Variants in MICU3 observed in about 807,000 individuals in gnomAD.
MICU3 encodes the protein mitochondrial calcium uptake 3.
A neutral mutation model predicts 66.5 loss-of-function variants in MICU3; 62 were observed. The observed-to-expected ratio is 0.93, with a 90% CI of 0.76 to 1.15. MICU3 has a LOEUF of 1.15. Ranked by LOEUF, MICU3 falls within the 50% of genes most tolerant of loss-of-function variation. MICU3 has a pLI of 0.00. For synonymous variants in MICU3, 308 were observed against 240.7 expected (o/e 1.28, Z -2.59); for missense variants, 779 against 664.4 (o/e 1.17, Z -1.90).
In MICU3 at chr8:17,122,180, T is replaced by C. The variant is rs146671615; in HGVS notation, c.*1893T>C. ...TATCAGAGTGAGTGGATGAAAACAT[T>C]TGTAAGGCTGCAACATAATATTAAA... On this transcript the variant is annotated 3_prime_UTR_variant, in exon 15 of 15. Transcript: ENST00000318063. 6.6e-6 allele frequency: 1 copy of C among 151,886 alleles called. No individual in the cohort carries two copies. The highest frequency in any genetic ancestry group is 2.4e-5 in the African/African-American group (1 of 41,536). 9.4% of individuals were successfully genotyped at this position (151,886 alleles called of 1,614,324 possible).
chr8:17,108,248 AT>A (rs1262339900), intron 11 of MICU3, among the ~76,000 whole-genome samples: 21 of 152,148 alleles, frequency 1.4e-4, no homozygotes, highest in Non-Finnish European at 1.5e-5. Context: ...TCAATGAAAA[AT>A]TAAGCAGGCA....
At chr8:17,125,052 G>T (rs910255269), downstream of MICU3, among the ~76,000 whole-genome samples, 1 of 152,030 alleles carries the variant, frequency 6.6e-6, no homozygotes, top group African/African-American at 2.4e-5. Flanking sequence ...TTATTTATTT[G>T]AGAACTTCTT....
At chr8:17,101,174 A>T (rs1160886185) in intron 9 of MICU3, among the ~76,000 whole-genome samples, 1 of 151,822 alleles carries the variant, frequency 6.6e-6, no homozygotes, top group Non-Finnish European at 1.5e-5. Context: ...TTTAATCAAA[A>T]CAAAGTAAGA....
chr8:17,113,291 T>G (rs1308069934), intron 11 of MICU3, among the ~76,000 whole-genome samples: 1 of 152,238 alleles, frequency 6.6e-6, no homozygotes, highest in Non-Finnish European at 1.5e-5. Context: ...TTCTCTTTCT[T>G]AATTATGTTA....
At chr8:17,066,543 A>ATAT (rs1554518403) in intron 2 of MICU3, among the ~76,000 whole-genome samples, 1 of 104,890 alleles carries the variant, frequency 9.5e-6, no homozygotes, top group African/African-American at 4.5e-5. Flanking sequence ...ATATATATAG[A>ATAT]TTTTTTTTTT....
At chr8:17,092,088 G>C (rs1477673531) in intron 8 of MICU3, among the ~76,000 whole-genome samples, 2 of 152,044 alleles carry the variant, frequency 1.3e-5, no homozygotes, top group Non-Finnish European at 2.9e-5. Context: ...ATTTCAGCCA[G>C]GATGGTCTTG....
chr8:17,082,684 G>A (rs531554429), intron 5 of MICU3, among the ~76,000 whole-genome samples: 1 of 152,256 alleles, frequency 6.6e-6, no homozygotes, highest in African/African-American at 2.4e-5. Context: ...GGAATTTCCA[G>A]TTGTGGAGAT....
chr8:17,041,670 A>G (rs1814128666), intron 1 of MICU3, among the ~76,000 whole-genome samples: 1 of 152,116 alleles, frequency 6.6e-6, no homozygotes, highest in Non-Finnish European at 1.5e-5. Context: ...TTTAAAGGAA[A>G]GAGAATAATT....
downstream of MICU3, among the ~76,000 whole-genome samples, chr8:17,123,155 T>C (rs1447960826): frequency 6.6e-6 from 1 of 152,108 alleles, no homozygotes; most frequent in Non-Finnish European, 1.5e-5. Flanking sequence ...TGGTAGCATT[T>C]TTAATTTCTT....
intron 2 of MICU3, among the ~76,000 whole-genome samples, chr8:17,067,891 A>C (rs34156899): frequency 7.5e-5 from 11 of 145,904 alleles, no homozygotes; most frequent in Non-Finnish European, 1.6e-4. Context: ...TATTTGCTTA[A>C]AAATTATAGA....
intron 11 of MICU3, among the ~76,000 whole-genome samples, chr8:17,110,943 A>C (rs906609702): frequency 6.6e-6 from 1 of 152,124 alleles, no homozygotes; most frequent in Non-Finnish European, 1.5e-5. Context: ...GCTATGGCTG[A>C]ATAATAATAA....
the MICU3 span, among the ~76,000 whole-genome samples, chr8:17,134,980 T>C: frequency 2.6e-5 from 4 of 152,248 alleles, no homozygotes; most frequent in African/African-American, 9.6e-5. Flanking sequence ...CATTCAGTGA[T>C]AATTATTTGA....
intron 7 of MICU3, among the ~76,000 whole-genome samples, chr8:17,087,488 A>G (rs573920897): frequency 1.3e-5 from 2 of 152,132 alleles, no homozygotes; most frequent in South Asian, 4.1e-4. Context: ...TCTGGGATAT[A>G]TAATATTTTC....
intron 3 of MICU3, among the ~76,000 whole-genome samples, chr8:17,074,919 T>A (rs1820151562): frequency 6.6e-6 from 1 of 152,128 alleles, no homozygotes; most frequent in Non-Finnish European, 1.5e-5. Flanking sequence ...CTAACAAGAC[T>A]GCCCTCATTT....
chr8:17,081,439 C>A (rs149435540), intron 4 of MICU3, among the ~76,000 whole-genome samples: 1 of 151,972 alleles, frequency 6.6e-6, no homozygotes, highest in Non-Finnish European at 1.5e-5. Context: ...TACTGCTATA[C>A]GTATGCATTA....
chr8:17,041,780 A>G (rs1814152027), intron 1 of MICU3, among the ~76,000 whole-genome samples: 1 of 152,192 alleles, frequency 6.6e-6, no homozygotes. Context: ...CCATTATGAC[A>G]GGAGGATGGA....
intron 3 of MICU3, among the ~76,000 whole-genome samples, chr8:17,071,722 T>C (rs981499703): frequency 7.2e-5 from 11 of 152,170 alleles, no homozygotes; most frequent in Non-Finnish European, 1.6e-4. Context: ...TTAGCAAGAT[T>C]GCTACTGGAT....
chr8:17,035,212 A>G (rs1378909910), intron 1 of MICU3, among the ~76,000 whole-genome samples: 3 of 152,098 alleles, frequency 2.0e-5, no homozygotes, highest in South Asian at 2.1e-4. Context: ...TCTTTCCTTT[A>G]TACATTACCC....
chr8:17,081,992 T>C (rs952405919), intron 5 of MICU3: 4 of 298,958 alleles, frequency 1.3e-5, no homozygotes, highest in Non-Finnish European at 2.5e-5. Context: ...TCTTGTGGTT[T>C]TAATCTACCT....
Sources: allele counts gnomAD v4.1 joint callset (sites outside exome capture counted in the v4.1 genomes callset), GRCh38; gene constraint gnomAD v4.1.1; transcripts MANE v1.5; gene names NCBI Gene and HGNC (gene_info 2026-07-23, HGNC 2026-07-21).